The following IL7 variants were observed in gnomAD, a reference collection of about 807,000 sequenced individuals.
IL7 encodes interleukin-7.
In IL7, 3 loss-of-function variants were observed where a neutral mutation model predicts 21.6. The observed-to-expected ratio is 0.14, with a 90% CI of 0.06 to 0.36. IL7 has a LOEUF of 0.36. IL7 is among the 10% of genes least tolerant of loss of function. The pLI, the probability that IL7 is intolerant of heterozygous loss-of-function variation, is 1.00. For synonymous variants in IL7, 62 were observed against 68.1 expected, an observed-to-expected ratio of 0.91 and a Z score of 0.44; for missense variants, 175 against 200.2, an observed-to-expected ratio of 0.87 and a Z score of 0.76.
rs543854891 is a variant in IL7 at position 78,799,205 on chromosome 8, C to T, written c.11-997G>A. 1.6e-3 allele frequency among the ~76,000 whole-genome samples: 250 copies of T among 152,254 alleles called. 1 individual carries two copies. Among genetic ancestry groups the T allele is most frequent in the Admixed American group, 3.1e-3 (47 of 15,296 alleles). On this transcript the variant is annotated intron_variant, in intron 1 of 5. Transcript: ENST00000263851. ...TTGTACTTGAATGCAAGATATTTCACTTGTGTGCCTTCTCTGATTAAGAGT... is the reference window on the plus strand; with the variant it reads ...TTGTACTTGAATGCAAGATATTTCATTTGTGTGCCTTCTCTGATTAAGAGT...
At chr8:78,775,309 T>G (rs1228249515) in intron 2 of IL7, among the ~76,000 whole-genome samples, 7 of 152,130 alleles carry the variant, frequency 4.6e-5, no homozygotes, top group Non-Finnish European at 1.0e-4. Context: ...CATATTCACC[T>G]GTACTTGGTA....
intron 2 of IL7, among the ~76,000 whole-genome samples, chr8:78,764,690 A>G (rs969268765): frequency 1.3e-5 from 2 of 152,140 alleles, no homozygotes; most frequent in Admixed American, 1.3e-4. Context: ...AAAGAAAAAA[A>G]TAAATGGAGA....
intron 3 of IL7, among the ~76,000 whole-genome samples, chr8:78,710,295 A>G (rs1010609244): frequency 6.6e-6 from 1 of 152,192 alleles, no homozygotes; most frequent in Non-Finnish European, 1.5e-5. Context: ...GTACATATAT[A>G]TATATGCACA....
chr8:78,717,359 G>A (rs1391416856), downstream of IL7: 2 of 1,611,620 alleles, frequency 1.2e-6, no homozygotes, highest in Admixed American at 1.7e-5. Flanking sequence ...TTCCCTTAAT[G>A]GTGGAAATAT....
intron 2 of IL7, chr8:78,761,183 C>A: frequency 1.3e-6 from 2 of 1,592,764 alleles, no homozygotes; most frequent in Non-Finnish European, 1.7e-6. Context: ...TTCTTTACCC[C>A]TTTCTTTACT....
At chr8:78,777,351 G>C (rs749236586) in intron 2 of IL7, among the ~76,000 whole-genome samples, 1 of 151,976 alleles carries the variant, frequency 6.6e-6, no homozygotes, top group Non-Finnish European at 1.5e-5. Flanking sequence ...ACAACAACAG[G>C]CACCTATAAA....
chr8:78,752,972 G>A (rs997883863), intron 2 of IL7, among the ~76,000 whole-genome samples: 8 of 152,016 alleles, frequency 5.3e-5, no homozygotes, highest in Admixed American at 2.0e-4. Flanking sequence ...TATGTGCCAC[G>A]TTTTCTTTAT....
intron 3 of IL7, chr8:78,712,246 A>T: frequency 2.7e-6 from 1 of 376,724 alleles, no homozygotes; most frequent in Non-Finnish European, 4.6e-6. Flanking sequence ...GTGTCAAATA[A>T]TCTAGGATTT....
chr8:78,730,612 G>A (rs181985725), downstream of IL7, among the ~76,000 whole-genome samples: 1 of 151,834 alleles, frequency 6.6e-6, no homozygotes, highest in East Asian at 1.9e-4. Context: ...GTAAATTATT[G>A]TAGAAATGTG....
intron 2 of IL7, chr8:78,762,555 G>T (rs1812609020): frequency 2.1e-5 from 9 of 438,824 alleles, no homozygotes; most frequent in Non-Finnish European, 2.6e-5. Context: ...CGACGCGCGG[G>T]GGAGGGGCGG....
chr8:78,782,634 G>A (rs906524316), intron 2 of IL7, among the ~76,000 whole-genome samples: 5 of 152,016 alleles, frequency 3.3e-5, no homozygotes, highest in African/African-American at 9.7e-5. Context: ...TCATGTTAGT[G>A]GGAATGTCTC....
intron 2 of IL7, chr8:78,762,439 C>G: frequency 6.3e-7 from 1 of 1,575,980 alleles, no homozygotes; most frequent in South Asian, 1.1e-5. Flanking sequence ...CATCGTCGCC[C>G]GCCCGCCGGC....
chr8:78,692,163 C>CCAT (rs1467192274), intron 3 of IL7, among the ~76,000 whole-genome samples: 1 of 152,196 alleles, frequency 6.6e-6, no homozygotes, highest in South Asian at 2.1e-4. Flanking sequence ...ACCCCTTTGA[C>CCAT]CATCATCATC....
chr8:78,686,652 A>G (rs1462053081), intron 3 of IL7: 2 of 1,416,108 alleles, frequency 1.4e-6, no homozygotes, highest in Non-Finnish European at 9.3e-7. Context: ...TGGAAAGAAA[A>G]TAATGATAGA....
At chr8:78,691,397 T>C (rs1249036542) in intron 3 of IL7, among the ~76,000 whole-genome samples, 1 of 152,214 alleles carries the variant, frequency 6.6e-6, no homozygotes, top group Non-Finnish European at 1.5e-5. Context: ...TGTGTTGCAG[T>C]ATGTTTCATG....
intron 2 of IL7, among the ~76,000 whole-genome samples, chr8:78,743,806 C>T (rs375632802): frequency 2.8e-4 from 42 of 151,320 alleles, no homozygotes; most frequent in African/African-American, 9.7e-4. Context: ...CTTTTTTTTT[C>T]CCCCTGGCAC....
intron 2 of IL7, among the ~76,000 whole-genome samples, chr8:78,780,443 T>C (rs548316347): frequency 6.6e-6 from 1 of 152,330 alleles, no homozygotes; most frequent in East Asian, 1.9e-4. Context: ...TTTGTTTTCA[T>C]TGATTTCAAA....
chr8:78,681,901 CT>C (rs56181953), intron 4 of IL7, among the ~76,000 whole-genome samples: 71,148 of 126,328 alleles, frequency 0.56, 15,445 homozygotes, highest in East Asian at 0.74. Flanking sequence ...CTTTTTCTTT[CT>C]TTTTTTTTTT....
intron 2 of IL7, among the ~76,000 whole-genome samples, chr8:78,772,825 G>A (rs935037920): frequency 6.6e-6 from 1 of 152,066 alleles, no homozygotes; most frequent in South Asian, 2.1e-4. Context: ...AGTGAGTGTC[G>A]ATGGTCATAG....
Sources: allele counts gnomAD v4.1 joint callset (sites outside exome capture counted in the v4.1 genomes callset), GRCh38; gene constraint gnomAD v4.1.1; transcripts MANE v1.5; gene names NCBI Gene and HGNC (gene_info 2026-07-23, HGNC 2026-07-21).